The following PPP2R5A variants were observed in gnomAD, a reference collection of about 807,000 sequenced individuals.
The protein encoded by PPP2R5A is serine/threonine-protein phosphatase 2A 56 kDa regulatory subunit alpha isoform.
A neutral mutation model predicts 64.2 loss-of-function variants in PPP2R5A; 25 were observed. The ratio of observed to expected loss-of-function variants is 0.39; its 90% CI spans 0.28 to 0.54. The LOEUF (loss-of-function observed/expected upper bound fraction) is 0.54. PPP2R5A is among the 20% of genes least tolerant of loss of function. The probability of loss-of-function intolerance (pLI) is 0.67; values close to 1 mark genes in which losing one functional copy is unlikely to be tolerated. For synonymous variants in PPP2R5A, 198 were observed against 201.2 expected, an observed-to-expected ratio of 0.98 and a Z score of 0.13; for missense variants, 425 against 576.3, an observed-to-expected ratio of 0.74 and a Z score of 2.69.
At chr1:212,305,637 G>A (rs967276703) in intron 1 of PPP2R5A, among the ~76,000 whole-genome samples, 3 of 151,946 alleles carry the variant, frequency 2.0e-5, no homozygotes, top group African/African-American at 7.3e-5. Context: ...ATTGAAAGTG[G>A]GGTGTTGAAG....
rs1050595309 is a variant in PPP2R5A, at chr1:212,361,724, G to C, written c.*954G>C. 6 of 152,676 alleles carry C rather than the reference G, an allele frequency of 3.9e-5. No homozygotes were observed. The highest frequency in any genetic ancestry group is 7.3e-5 in the Non-Finnish European group (5 of 68,046). The allele number at this position is 152,676 out of a possible 1,614,324, so 9.5% of individuals were successfully genotyped here. A position where few individuals can be genotyped will look rare whatever the true frequency, so the allele number is the denominator to read the frequency against. On this transcript the variant is annotated 3_prime_UTR_variant, in exon 13 of 13. Transcript: ENST00000261461. Reference sequence around the variant, plus strand: ...GTCTTGTATGTTTTTACTTGGTCAAGTATTTCTCACATCTTTTGTTATCAG... The same window carrying C: ...GTCTTGTATGTTTTTACTTGGTCAACTATTTCTCACATCTTTTGTTATCAG...
intron 1 of PPP2R5A, among the ~76,000 whole-genome samples, chr1:212,314,602 G>A (rs1659109982): frequency 6.7e-6 from 1 of 149,800 alleles, no homozygotes; most frequent in Admixed American, 6.6e-5. Flanking sequence ...TGATGCCCAG[G>A]GTGAAGTGCA....
At chr1:212,321,357 CGGGCGGGGGGCT>C (rs1314282252) in intron 1 of PPP2R5A, among the ~76,000 whole-genome samples, 1 of 148,116 alleles carries the variant, frequency 6.8e-6, no homozygotes, top group Non-Finnish European at 1.5e-5. Context: ...GGCGGCTGGC[CGGGCGGGGGGCT>C]GACCCCCACC....
Position 212,355,283 on chromosome 1 carries a change from G to GT in PPP2R5A, c.928-1334dup, listed in dbSNP as rs201220315. Among the ~76,000 whole-genome samples the GT allele has an allele frequency of 3.6e-3, 540 of 150,648 alleles. 8 individuals are homozygous for GT. The highest frequency in any genetic ancestry group is 0.012 in the African/African-American group (488 of 40,984). On this transcript the variant is annotated intron_variant, in intron 8 of 12. Transcript: ENST00000261461. ...CCTACTCACTCTAGTAACTTGCAGG[G>GT]TTTTTTTTTAAGTTTTAAGGGATAT... is the stretch of plus-strand genomic sequence containing the variant.
chr1:212,333,882 C>G, intron 3 of PPP2R5A: 1 of 233,970 alleles, frequency 4.3e-6, no homozygotes, highest in Non-Finnish European at 8.2e-6. Context: ...AATTCTATAA[C>G]TTTTCTATCA....
chr1:212,325,813 A>G (rs978668892), intron 1 of PPP2R5A, among the ~76,000 whole-genome samples: 1 of 152,214 alleles, frequency 6.6e-6, no homozygotes, highest in African/African-American at 2.4e-5. Context: ...CACATAGTCA[A>G]CATGTATCTC....
At chr1:212,314,867 T>C (rs1433203333) in intron 1 of PPP2R5A, among the ~76,000 whole-genome samples, 1 of 151,850 alleles carries the variant, frequency 6.6e-6, no homozygotes, top group Non-Finnish European at 1.5e-5. Flanking sequence ...CAGCCAAGTG[T>C]AGCTAAATTT....
chr1:212,320,711 G>C (rs1384117635), intron 1 of PPP2R5A, among the ~76,000 whole-genome samples: 2 of 119,224 alleles, frequency 1.7e-5, no homozygotes, highest in Admixed American at 8.4e-5. Context: ...CCTCCCGGAT[G>C]GGGCGGCTGG....
intron 8 of PPP2R5A, among the ~76,000 whole-genome samples, chr1:212,356,064 A>AAAAT (rs1223554742): frequency 1.3e-5 from 2 of 152,264 alleles, no homozygotes; most frequent in South Asian, 2.1e-4. Context: ...ACTCCATCTC[A>AAAAT]AAATAAATAA....
rs1000731100 is a variant in PPP2R5A, at chr1:212,285,892, C to T, written c.-219C>T. The T allele has an allele frequency of 1.7e-5, 7 of 415,924 alleles. No individual in the cohort carries two copies. Among genetic ancestry groups the T allele is most frequent in the Non-Finnish European group, 2.5e-5 (6 of 242,586 alleles). The allele number at this position is 415,924 out of a possible 1,614,324, so 25.8% of individuals were successfully genotyped here. ...CTCCGTCAGCCCCGGGAGCTCGCCGCGCGCCGGGGACCAGGAACCTCCAGC... is the reference window on the plus strand; with the variant it reads ...CTCCGTCAGCCCCGGGAGCTCGCCGTGCGCCGGGGACCAGGAACCTCCAGC... On this transcript the variant is annotated 5_prime_UTR_variant, in exon 1 of 13. Transcript: ENST00000261461.
At chr1:212,309,794 C>G (rs1658994162) in intron 1 of PPP2R5A, among the ~76,000 whole-genome samples, 1 of 152,040 alleles carries the variant, frequency 6.6e-6, no homozygotes. Context: ...ATAAAATACA[C>G]TAACACTAAC....
chr1:212,353,834 A>G lies in PPP2R5A; in HGVS notation c.928-2792A>G, dbSNP rs185732868. Among the ~76,000 whole-genome samples the G allele has an allele frequency of 6.0e-4, 92 of 152,326 alleles. 1 individual carries two copies. Among genetic ancestry groups the G allele is most frequent in the Non-Finnish European group, 1.0e-3 (71 of 68,030 alleles). On this transcript the variant is annotated intron_variant, in intron 8 of 12. Transcript: ENST00000261461. ...AGTACAGGAAAAATATCTCTGCACA[A>G]TATTGAACCACCTCACTTATTTACA...
intron 1 of PPP2R5A, among the ~76,000 whole-genome samples, chr1:212,287,958 T>G (rs1317447716): frequency 6.6e-6 from 1 of 152,208 alleles, no homozygotes; most frequent in African/African-American, 2.4e-5. Context: ...TAAAAGTAAT[T>G]GAATATTAAA....
chr1:212,329,976 A>C (rs535776700), intron 2 of PPP2R5A, among the ~76,000 whole-genome samples: 159 of 152,132 alleles, frequency 1.0e-3, no homozygotes, highest in Non-Finnish European at 1.9e-3. Flanking sequence ...GAAAGGGAAG[A>C]CCATTGAAAG....
chr1:212,358,826 TTA>T (rs1173612589), intron 12 of PPP2R5A, 39 bp downstream of exon 12: 1 of 1,507,878 alleles, frequency 6.6e-7, no homozygotes, highest in African/African-American at 1.4e-5. Flanking sequence ...TCTATACATT[TTA>T]TGTTAGTTGA....
intron 3 of PPP2R5A, among the ~76,000 whole-genome samples, chr1:212,338,180 G>A (rs1416847403): frequency 1.3e-5 from 2 of 152,080 alleles, no homozygotes; most frequent in Non-Finnish European, 2.9e-5. Flanking sequence ...TCTTTTTAAT[G>A]GTGAAGACCA....
intron 1 of PPP2R5A, among the ~76,000 whole-genome samples, chr1:212,303,435 A>T (rs568096116): frequency 2.7e-5 from 4 of 150,694 alleles, no homozygotes; most frequent in Admixed American, 2.6e-4. Context: ...TTGAATTGTT[A>T]TTTGTCTTTT....
rs1016918207 is a variant in PPP2R5A, at chr1:212,309,514, G to A, written c.182-19621G>A. 4.2e-5 allele frequency: 32 copies of A among 755,876 alleles called. 1 individual carries two copies. The highest frequency in any genetic ancestry group is 4.1e-4 in the African/African-American group (24 of 57,902). The allele number at this position is 755,876 out of a possible 1,614,324, so 46.8% of individuals were successfully genotyped here. On this transcript the variant is annotated intron_variant, in intron 1 of 12. Transcript: ENST00000261461. ...AGGAGCTTCCTTCTTCGCTTTCGGC[G>A]CCATCTTGTGAAAAGCCCTTCTTTA...
At chr1:212,292,701 A>G (rs1420599749) in intron 1 of PPP2R5A, among the ~76,000 whole-genome samples, 4 of 152,186 alleles carry the variant, frequency 2.6e-5, no homozygotes, top group Admixed American at 2.6e-4. Context: ...CTAGGACTAC[A>G]GGTGTGTGCT....
Sources: allele counts gnomAD v4.1 joint callset (sites outside exome capture counted in the v4.1 genomes callset), GRCh38; gene constraint gnomAD v4.1.1; transcripts MANE v1.5; gene names NCBI Gene and HGNC (gene_info 2026-07-23, HGNC 2026-07-21).